Variants in APC2 observed in about 807,000 individuals in gnomAD.
APC2 encodes adenomatous polyposis coli protein 2.
Under a neutral mutation model 72.5 loss-of-function variants are expected in APC2, and 41 were observed. The observed-to-expected ratio is 0.57, with a 90% CI of 0.44 to 0.73. The LOEUF is 0.73. APC2 is among the 30% of genes least tolerant of loss of function. The probability of loss-of-function intolerance (pLI) is 0.00; values close to 1 mark genes in which losing one functional copy is unlikely to be tolerated. For synonymous variants in APC2, 1,898 were observed against 1,612.0 expected (o/e 1.18, Z -4.25); for missense variants, 3,729 against 3,403.4 (o/e 1.10, Z -2.38).
rs899177611 is a variant in APC2, at chr19:1,466,611, G to A, written c.3310G>A (p.Gly1104Ser). The A allele has an allele frequency of 5.2e-6, 8 of 1,535,642 alleles. No individual in the cohort carries two copies. Among genetic ancestry groups the A allele is most frequent in the African/African-American group, 2.7e-5 (2 of 73,610 alleles). The change falls in exon 15 of 15, where the codon GGC (glycine) becomes AGC (serine). Residue 1104 changes from glycine (G) to serine (S), a missense_variant. Coordinates refer to ENST00000590469, the MANE Select transcript of APC2 (RefSeq NM_005883.3). Reference sequence around the variant, plus strand: ...CTCCCTGGAGGGGCTGGAGGAGGCCGGCCCCAGCGAGGCTGAGCTGGACAG... The same window carrying A: ...CTCCCTGGAGGGGCTGGAGGAGGCCAGCCCCAGCGAGGCTGAGCTGGACAG... ...DSSLEGLEEAGPSEAELDSTW... is the reference protein window; with the variant it reads ...DSSLEGLEEASPSEAELDSTW...
At position 1,469,778 on chromosome 19, in the gene APC2, C is replaced by T. The variant is rs1396128894; in HGVS notation, c.6477C>T (p.Arg2159=). The change falls in exon 15 of 15, where the codon CGC becomes CGT. Residue 2159 remains arginine (R), a synonymous_variant. Coordinates refer to ENST00000590469, the MANE Select transcript of APC2 (RefSeq NM_005883.3). ...IRDEDVPHIL[R]STLPATALPL... is the part of the protein sequence containing the mutation. ...ATGAGGACGTGCCCCACATCCTGCGCAGCACGCTTCCCGCCACGGCCCTGC... is the reference window on the plus strand; with the variant it reads ...ATGAGGACGTGCCCCACATCCTGCGTAGCACGCTTCCCGCCACGGCCCTGC... 10 of 1,519,014 alleles carry T rather than the reference C, an allele frequency of 6.6e-6. No homozygotes were observed. The highest frequency in any genetic ancestry group is 7.0e-6 in the Non-Finnish European group (8 of 1,140,956). 94.1% of individuals were successfully genotyped at this position (1,519,014 alleles called of 1,614,324 possible).
chr19:1,457,043 G>T lies in APC2; in HGVS notation c.1007G>T (p.Gly336Val), dbSNP rs1464736990. ...AAAGGRAGAP[G>V]APGAKDARMR... Reference sequence around the variant, plus strand: ...GCCGGGGGTCGCGCCGGGGCCCCAGGGGCACCGGGCGCCAAGGACGCACGC... The same window carrying T: ...GCCGGGGGTCGCGCCGGGGCCCCAGTGGCACCGGGCGCCAAGGACGCACGC... The change falls in exon 9 of 15, where the codon GGG becomes GTG. Residue 336 changes from glycine to valine, a missense_variant. Transcript: ENST00000590469. The T allele has an allele frequency of 6.5e-7, 1 of 1,528,138 alleles. No individual in the cohort carries two copies. The highest frequency in any genetic ancestry group is 2.1e-5 in the Admixed American group (1 of 48,266). 94.7% of individuals were successfully genotyped at this position (1,528,138 alleles called of 1,614,324 possible).
Position 1,457,201 on chromosome 19 carries a change from C to G in APC2, c.1165C>G (p.Gln389Glu). 6.4e-7 allele frequency: 1 copy of G among 1,556,722 alleles called. No individual in the cohort carries two copies. Residue 389 changes from glutamine (Q) to glutamate (E), a missense_variant, in exon 9 of 15, where the codon CAG becomes GAG. Gln to Glu is a conservative substitution (Grantham distance 29). Coordinates refer to ENST00000590469, the MANE Select transcript of APC2 (RefSeq NM_005883.3). ...CTGCGAGACCTGCTGGGACTGGCTG[C>G]AGGCCCGAGACGGCGGGCCCGAGGG... ...AYCETCWDWL[Q>E]ARDGGPEGGG...
At chr19:1,456,745 C>A in intron 8 of APC2, 108 bp from the exon 9 acceptor site, 4 of 1,346,720 alleles carry the variant, frequency 3.0e-6, no homozygotes, top group Non-Finnish European at 4.0e-6. Context: ...CCCAGGTGGG[C>A]GTGGGGCTGC....
Position 1,452,698 on chromosome 19 carries a change from C to T in APC2, c.-18-286C>T, listed in dbSNP as rs2083758348. 5.0e-6 allele frequency: 2 copies of T among 397,976 alleles called. No homozygotes were observed. 24.7% of individuals were successfully genotyped at this position (397,976 alleles called of 1,614,324 possible). A position where few individuals can be genotyped will look rare whatever the true frequency, so the allele number is the denominator to read the frequency against. On this transcript the variant is annotated intron_variant, in intron 1 of 14. Transcript: ENST00000590469. This position sits in a 1 kb window ranked among gnomAD's most constrained non-coding sequence, Gnocchi z 5.1. ...AAGGAGAGGCCGACCCATCGTCTGT[C>T]GGTCGACTGGTCAGTTGGACGTTCA...
At chr19:1,448,132 G>A (rs572458992), upstream of APC2, among the ~76,000 whole-genome samples, 5 of 152,008 alleles carry the variant, frequency 3.3e-5, no homozygotes, top group East Asian at 1.9e-4. Flanking sequence ...TTTCAGCCTC[G>A]CCCAGCTCTG....
upstream of APC2, chr19:1,446,325 C>T: frequency 3.0e-6 from 3 of 985,278 alleles, no homozygotes; most frequent in Non-Finnish European, 3.6e-6. The surrounding 1 kb of genome is among the most constrained non-coding windows in gnomAD (Gnocchi z 6.1). Context: ...CTGCACTCGG[C>T]CTTCTTCGGG....
Position 1,467,102 on chromosome 19 carries a change from G to A in APC2, c.3801G>A (p.Lys1267=), listed in dbSNP as rs527752378. The part of the protein sequence containing the change: ...DAGSVRFTVE[K]PDENFSCASS... ...GCAGCGTGCGCTTTACCGTGGAGAA[G>A]CCAGACGAGAACTTCTCGTGCGCCT... Residue 1267 remains lysine (K), a synonymous_variant, in exon 15 of 15, where the codon AAG becomes AAA. Transcript: ENST00000590469. 2.9e-5 allele frequency: 47 copies of A among 1,604,884 alleles called. No homozygotes were observed. In the East Asian group the frequency reaches 4.2e-4, roughly 15 times the overall value.
At position 1,469,292 on chromosome 19, in the gene APC2, C is replaced by T. The variant is rs2084087755; in HGVS notation, c.5991C>T (p.Phe1997=). 1 of 1,420,910 alleles carries T rather than the reference C, an allele frequency of 7.0e-7. No individual in the cohort carries two copies. The highest frequency in any genetic ancestry group is 9.2e-7 in the Non-Finnish European group (1 of 1,084,584). 88.0% of individuals were successfully genotyped at this position (1,420,910 alleles called of 1,614,324 possible). A position where few individuals can be genotyped will look rare whatever the true frequency, so the allele number is the denominator to read the frequency against. The change falls in exon 15 of 15, where the codon TTC becomes TTT. Residue 1997 remains phenylalanine, a synonymous_variant. Transcript: ENST00000590469. ...DRSGFRRQLT[F]IKESPGLRRR... ...CGGGCTTCCGGCGACAGCTAACCTT[C>T]ATCAAGGAGTCGCCGGGCTTGCGGC... is the stretch of plus-strand genomic sequence containing the variant.
chr19:1,460,642 G>A (rs998260454), intron 11 of APC2, 138 bp from the exon 12 acceptor site: 1 of 988,104 alleles, frequency 1.0e-6, no homozygotes, highest in South Asian at 1.7e-5. Flanking sequence ...CTGAGCATGG[G>A]GTAACCGTCC....
At chr19:1,462,297 T>G in intron 14 of APC2, 120 bp downstream of exon 14, 1 of 926,738 alleles carries the variant, frequency 1.1e-6, no homozygotes, top group South Asian at 1.7e-5. Context: ...GGCTGCTGTT[T>G]GCAGCATAAA....
intron 10 of APC2, chr19:1,458,271 C>A: frequency 1.7e-6 from 1 of 593,042 alleles, no homozygotes. Flanking sequence ...TGTGGCCTCC[C>A]GATCTGGTCT....
rs773979313 is a variant in APC2, at chr19:1,465,356, G to C, written c.2055G>C (p.Met685Ile). 1 of 1,585,696 alleles carries C rather than the reference G, an allele frequency of 6.3e-7. No homozygotes were observed. Among genetic ancestry groups the C allele is most frequent in the South Asian group, 1.1e-5 (1 of 89,186 alleles). ...LVHSKHKMIA[M>I]GSAAALRNLL... Reference sequence around the variant, plus strand: ...ACTCCAAGCACAAGATGATCGCCATGGGCAGCGCCGCCGCCCTGCGCAACC... The same window carrying C: ...ACTCCAAGCACAAGATGATCGCCATCGGCAGCGCCGCCGCCCTGCGCAACC... The change falls in exon 15 of 15, where the codon ATG (methionine) becomes ATC (isoleucine). Residue 685 changes from methionine (M) to isoleucine (I), a missense_variant. Transcript: ENST00000590469.
intron 9 of APC2, chr19:1,457,504 A>G (rs766395098): frequency 1.8e-6 from 1 of 557,958 alleles, no homozygotes; most frequent in Non-Finnish European, 3.1e-6. Flanking sequence ...AGTTGGGTGC[A>G]GACTTTGAGA....
rs1218954746 is a variant in APC2, at chr19:1,458,018, C to T, written c.1261C>T (p.Leu421=). The change falls in exon 10 of 15, where the codon CTG becomes TTG. Residue 421 remains leucine (L), a synonymous_variant. Transcript: ENST00000590469. ...ICQATCAVMK[L]SFDEEYRRAM... is the part of the protein sequence containing the mutation. ...CCAGGCCACCTGTGCTGTTATGAAGCTGTCCTTTGATGAGGAGTACCGCCG... is the reference window on the plus strand; with the variant it reads ...CCAGGCCACCTGTGCTGTTATGAAGTTGTCCTTTGATGAGGAGTACCGCCG... The T allele has an allele frequency of 1.3e-6, 2 of 1,567,704 alleles. No homozygotes were observed. Among genetic ancestry groups the T allele is most frequent in the East Asian group, 2.3e-5 (1 of 43,268 alleles).
Position 1,452,955 on chromosome 19 carries a change from A to G in APC2, c.-18-29A>G. 6.2e-7 allele frequency: 1 copy of G among 1,604,644 alleles called. No individual in the cohort carries two copies. Among genetic ancestry groups the G allele is most frequent in the Non-Finnish European group, 8.5e-7 (1 of 1,176,304 alleles). ...ATCACCGCGCCCTCCCCAGACCATC[A>G]GCTGAACCCTCTGACCCTGTGATCC... On this transcript the variant is annotated intron_variant, in intron 1 of 14. Transcript: ENST00000590469. The surrounding 1 kb of genome is among the most constrained non-coding windows in gnomAD (Gnocchi z 5.1).
chr19:1,456,419 G>A lies in APC2; in HGVS notation c.816+15G>A, dbSNP rs1191134047. ...GCAACAGCAAGGTGAGGGGGAGGGTGAAACGGGGGCTGGCGCAGCTGTCTG... is the reference window on the plus strand; with the variant it reads ...GCAACAGCAAGGTGAGGGGGAGGGTAAAACGGGGGCTGGCGCAGCTGTCTG... On this transcript the variant is annotated intron_variant, in intron 8 of 14. Transcript: ENST00000590469. The A allele has an allele frequency of 1.9e-6, 3 of 1,584,326 alleles. No homozygotes were observed. Among genetic ancestry groups the A allele is most frequent in the African/African-American group, 2.7e-5 (2 of 74,102 alleles).
chr19:1,446,841 C>T (rs1193372361), upstream of APC2, among the ~76,000 whole-genome samples: 1 of 152,206 alleles, frequency 6.6e-6, no homozygotes, highest in Admixed American at 6.5e-5. This position sits in a 1 kb window ranked among gnomAD's most constrained non-coding sequence, Gnocchi z 6.1. Context: ...TCCGTCCGCT[C>T]CCGACCCCAG....
rs756024965 is a variant in APC2 at position 1,465,239 on chromosome 19, C to T, written c.1938C>T (p.Cys646=). 1.1e-5 allele frequency: 18 copies of T among 1,610,186 alleles called. No individual in the cohort carries two copies. The highest frequency in any genetic ancestry group is 1.7e-4 in the Middle Eastern group (1 of 6,056). ...SHSLTIVSNA[C]GTLWNLSARS... ...GCCTGACCATCGTGAGCAACGCGTG[C>T]GGCACGCTCTGGAACCTGTCGGCCC... The change falls in exon 15 of 15, where the codon TGC becomes TGT. Residue 646 remains cysteine, a synonymous_variant. Transcript: ENST00000590469.
Sources: allele counts gnomAD v4.1 joint callset (sites outside exome capture counted in the v4.1 genomes callset), GRCh38; gene constraint gnomAD v4.1.1; non-coding constraint Gnocchi (gnomAD v3.1); transcripts MANE v1.5; gene names NCBI Gene and HGNC (gene_info 2026-07-23, HGNC 2026-07-21).